Variants in LRMDA observed in about 807,000 individuals in gnomAD.
LRMDA encodes the protein leucine-rich melanocyte differentiation-associated protein.
Under a neutral mutation model 29.8 loss-of-function variants are expected in LRMDA, and 18 were observed. That is an observed-to-expected ratio of 0.60 (90% confidence interval 0.42 to 0.90). LRMDA has a LOEUF of 0.90. LRMDA is among the 40% of genes least tolerant of loss of function. The pLI, the probability that LRMDA is intolerant of heterozygous loss-of-function variation, is 0.00. For synonymous variants in LRMDA, 125 were observed against 109.4 expected (o/e 1.14, Z -0.89); for missense variants, 273 against 273.9 (o/e 1.00, Z 0.02).
chr10:75,510,318 C>T (rs1489190920), intron 2 of LRMDA, among the ~76,000 whole-genome samples: 4 of 152,180 alleles, frequency 2.6e-5, no homozygotes, highest in East Asian at 3.9e-4. Context: ...GACAGAAGAA[C>T]TGGCTGACTC....
At chr10:75,773,677 C>A (rs1366039411) in intron 2 of LRMDA, among the ~76,000 whole-genome samples, 2 of 152,188 alleles carry the variant, frequency 1.3e-5, no homozygotes, top group African/African-American at 2.4e-5. Flanking sequence ...TTTGTTCCAG[C>A]CTTTGGGTCA....
At chr10:75,772,037 A>G (rs1248636707) in intron 2 of LRMDA, among the ~76,000 whole-genome samples, 1 of 152,238 alleles carries the variant, frequency 6.6e-6, no homozygotes, top group Admixed American at 6.5e-5. Flanking sequence ...TTAATCTTGC[A>G]AGCTGAAACC....
At chr10:76,146,037 T>G (rs1338190709) in intron 5 of LRMDA, among the ~76,000 whole-genome samples, 1 of 151,950 alleles carries the variant, frequency 6.6e-6, no homozygotes, top group Non-Finnish European at 1.5e-5. Context: ...CTAGTTTGAT[T>G]GCACTGTGGT....
At chr10:76,520,592 CTGTT>C (rs200490390) in intron 6 of LRMDA, among the ~76,000 whole-genome samples, 1,999 of 152,002 alleles carry the variant, frequency 0.013, 44 homozygotes, top group African/African-American at 0.046. Context: ...AGAAATATAC[CTGTT>C]TGTTTGGAAA....
Position 76,167,441 on chromosome 10 carries a change from G to A in LRMDA, c.516+108658G>A, listed in dbSNP as rs200741465. ...GAGTTAATTTTTGCATATGATGTACGGAAGGGGTCCAGTTTCAATCTTTGG... is the reference window on the plus strand; with the variant it reads ...GAGTTAATTTTTGCATATGATGTACAGAAGGGGTCCAGTTTCAATCTTTGG... On this transcript the variant is annotated intron_variant, in intron 5 of 6. Coordinates refer to ENST00000611255, the MANE Select transcript of LRMDA (RefSeq NM_001305581.2). Among the ~76,000 whole-genome samples, 5 of 152,236 alleles carry A rather than the reference G, an allele frequency of 3.3e-5. No homozygotes were observed. In the East Asian group the frequency reaches 5.8e-4, roughly 18 times the overall value.
intron 2 of LRMDA, among the ~76,000 whole-genome samples, chr10:75,728,643 G>A (rs1043016450): frequency 3.9e-5 from 6 of 152,224 alleles, no homozygotes; most frequent in South Asian, 2.1e-4. Flanking sequence ...CAGAAGAGAC[G>A]GAGCACTGGG....
chr10:76,484,062 G>A (rs1375705293), intron 6 of LRMDA, among the ~76,000 whole-genome samples: 1 of 151,702 alleles, frequency 6.6e-6, no homozygotes, highest in East Asian at 2.0e-4. Context: ...CGTTTTCATT[G>A]TCATATGCTC....
intron 5 of LRMDA, among the ~76,000 whole-genome samples, chr10:76,202,495 A>T (rs1851451646): frequency 6.6e-6 from 1 of 152,018 alleles, no homozygotes; most frequent in Non-Finnish European, 1.5e-5. Flanking sequence ...AAATGCATGC[A>T]TTTATTTGGA....
chr10:76,095,888 T>G (rs992744017), intron 5 of LRMDA, among the ~76,000 whole-genome samples: 1 of 150,876 alleles, frequency 6.6e-6, no homozygotes, highest in South Asian at 2.1e-4. Flanking sequence ...GAGCTTGCAG[T>G]GAGCCGAGAT....
chr10:76,525,919 G>A (rs1406231818), intron 6 of LRMDA, among the ~76,000 whole-genome samples: 1 of 151,878 alleles, frequency 6.6e-6, no homozygotes, highest in Non-Finnish European at 1.5e-5. Context: ...TTGTCCCTGG[G>A]GATTAAAATC....
chr10:76,226,634 T>C (rs371127045), intron 5 of LRMDA, among the ~76,000 whole-genome samples: 2 of 152,180 alleles, frequency 1.3e-5, no homozygotes, highest in East Asian at 1.9e-4. Context: ...TTGTGATAAA[T>C]CACTATCACA....
chr10:75,538,296 G>A (rs984363909), intron 2 of LRMDA, among the ~76,000 whole-genome samples: 8 of 152,124 alleles, frequency 5.3e-5, no homozygotes, highest in East Asian at 3.8e-4. Context: ...GACTGAAAGC[G>A]GTGCAGCGAT....
At chr10:76,013,445 C>T (rs1036870903) in intron 2 of LRMDA, among the ~76,000 whole-genome samples, 1 of 152,034 alleles carries the variant, frequency 6.6e-6, no homozygotes, top group East Asian at 1.9e-4. Context: ...AGCAAAATGA[C>T]ATTTTAATTT....
chr10:75,834,441 G>A (rs1036986438), intron 2 of LRMDA, among the ~76,000 whole-genome samples: 1 of 152,134 alleles, frequency 6.6e-6, no homozygotes, highest in African/African-American at 2.4e-5. Context: ...TCATGGCAGT[G>A]AACCTCCTAA....
chr10:75,925,794 G>A (rs1179321892), intron 2 of LRMDA, among the ~76,000 whole-genome samples: 4 of 151,798 alleles, frequency 2.6e-5, no homozygotes, highest in African/African-American at 9.7e-5. Context: ...CTGGGATTAC[G>A]GGTGCCTGCC....
intron 5 of LRMDA, among the ~76,000 whole-genome samples, chr10:76,173,290 A>T (rs1850871019): frequency 6.6e-6 from 1 of 152,224 alleles, no homozygotes; most frequent in East Asian, 1.9e-4. Flanking sequence ...AAGCTGATGG[A>T]TATGTTTGTA....
At chr10:76,468,178 A>T (rs1842582637) in intron 6 of LRMDA, among the ~76,000 whole-genome samples, 1 of 152,248 alleles carries the variant, frequency 6.6e-6, no homozygotes, top group African/African-American at 2.4e-5. Flanking sequence ...TCTCTGGCTA[A>T]CAGAGCCACT....
At chr10:75,628,962 G>A (rs1054786035) in intron 2 of LRMDA, among the ~76,000 whole-genome samples, 1 of 152,210 alleles carries the variant, frequency 6.6e-6, no homozygotes, top group Non-Finnish European at 1.5e-5. Flanking sequence ...CCCCAAGATG[G>A]GTTAAATCCC....
chr10:76,149,875 A>G (rs1850405690), intron 5 of LRMDA, among the ~76,000 whole-genome samples: 1 of 152,150 alleles, frequency 6.6e-6, no homozygotes, highest in South Asian at 2.1e-4. Context: ...TCCCCATCAG[A>G]CACCTGGTTG....
Sources: allele counts gnomAD v4.1 joint callset (sites outside exome capture counted in the v4.1 genomes callset), GRCh38; gene constraint gnomAD v4.1.1; transcripts MANE v1.5; gene names NCBI Gene and HGNC (gene_info 2026-07-23, HGNC 2026-07-21).